ZDHHC16: variants seen among roughly 807,000 people sequenced by gnomAD.
ZDHHC16 encodes zDHHC palmitoyltransferase 16.
In ZDHHC16, 33 loss-of-function variants were observed where a neutral mutation model predicts 54.4. The observed-to-expected ratio is 0.61, with a 90% CI of 0.46 to 0.81. The LOEUF (loss-of-function observed/expected upper bound fraction) is 0.81, where lower values mean the gene tolerates loss of function less well. Among genes scored for constraint, ZDHHC16 ranks in the 30% least tolerant of loss-of-function variants. The probability of loss-of-function intolerance (pLI) is 0.00; values close to 1 mark genes in which losing one functional copy is unlikely to be tolerated. For missense variants in ZDHHC16, 420 were observed against 485.9 expected (o/e 0.86, Z 1.28); for synonymous variants, 185 against 182.1 (o/e 1.02, Z -0.13).
chr10:97,455,761 G>A lies in ZDHHC16; in HGVS notation c.926G>A (p.Arg309His), dbSNP rs139196575. 73 of 1,614,136 alleles carry A rather than the reference G, an allele frequency of 4.5e-5. No homozygotes were observed. The African/African-American group carries it at 7.6e-4, about 17-fold the overall frequency. ...IERHINKKER[R>H]RLQAKGRVFR... Reference sequence around the variant, plus strand: ...AGGCACATCAACAAGAAGGAGAGACGTCGGCTACAGGCCAAGGGCAGAGTG... The same window carrying A: ...AGGCACATCAACAAGAAGGAGAGACATCGGCTACAGGCCAAGGGCAGAGTG... The change falls in exon 10 of 12, where the codon CGT becomes CAT. Residue 309 changes from arginine to histidine, a missense_variant. Physicochemically the swap from Arg to His is conservative, Grantham distance 29. Coordinates refer to ENST00000393760, the MANE Select transcript of ZDHHC16 (RefSeq NM_198046.3).
intron 6 of ZDHHC16, 124 bp from the exon 7 acceptor site, chr10:97,453,406 T>G (rs1846835405): frequency 7.4e-7 from 1 of 1,347,078 alleles, no homozygotes. Context: ...CTTTGGAAAG[T>G]AGTTCTTAGT....
In ZDHHC16 at chr10:97,457,061, A is replaced by C. The variant is rs555113369; in HGVS notation, c.*170A>C. The C allele has an allele frequency of 1.4e-3, 621 of 445,060 alleles. 3 individuals carry two copies. Among genetic ancestry groups the C allele is most frequent in the South Asian group, 0.013 (279 of 21,864 alleles). 27.6% of individuals were successfully genotyped at this position (445,060 alleles called of 1,614,324 possible). On this transcript the variant is annotated 3_prime_UTR_variant, in exon 12 of 12. Coordinates refer to ENST00000393760, the MANE Select transcript of ZDHHC16 (RefSeq NM_198046.3). The stretch of plus-strand genomic sequence containing the variant: ...CCAGCCTTTTTACCACTGCAGAAGA[A>C]AGACACAATGTGGAGAAATCTTAGG...
rs1589501019 is a variant in ZDHHC16 at position 97,451,604 on chromosome 10, G to A, written c.-5-67G>A. ...TTTGCCCTCCAAGTGAGTACTCTAG[G>A]CCTTCCCACTAGCGGGGTAGGGAGG... is the stretch of plus-strand genomic sequence containing the variant. On this transcript the variant is annotated intron_variant, in intron 2 of 11. Transcript: ENST00000393760. The A allele has an allele frequency of 5.2e-6, 8 of 1,551,170 alleles. No homozygotes were observed. In the East Asian group the frequency reaches 1.8e-4, roughly 35 times the overall value.
At position 97,452,987 on chromosome 10, in the gene ZDHHC16, A is replaced by G. The variant is rs146473363; in HGVS notation, c.556+64A>G. On this transcript the variant is annotated intron_variant, in intron 6 of 11. Coordinates refer to ENST00000393760, the MANE Select transcript of ZDHHC16 (RefSeq NM_198046.3). ...AGCTCCAGAGCACTGTACAGGGTTA[A>G]TGGCCACCATTTTAGCATCACCGTG... 4.3e-5 allele frequency: 69 copies of G among 1,604,548 alleles called. No individual in the cohort carries two copies. In the African/African-American group the frequency reaches 7.7e-4, roughly 18 times the overall value.
intron 1 of ZDHHC16, among the ~76,000 whole-genome samples, chr10:97,450,033 G>A (rs532169900): frequency 2.0e-5 from 3 of 150,598 alleles, no homozygotes; most frequent in East Asian, 3.9e-4. Flanking sequence ...CACCGCGCCC[G>A]GCTAATTTTT....
chr10:97,455,635 C>A (rs1173333800), intron 9 of ZDHHC16, 25 bp from the exon 10 acceptor site: 1 of 1,614,244 alleles, frequency 6.2e-7, no homozygotes. Context: ...AAACTACCCA[C>A]CAGTCTTCGC....
intron 11 of ZDHHC16, 87 bp downstream of exon 11, chr10:97,456,131 C>A: frequency 7.5e-7 from 1 of 1,333,114 alleles, no homozygotes; most frequent in Non-Finnish European, 1.1e-6. Context: ...TGGAATATGG[C>A]TAGTGGCTAC....
chr10:97,455,874 A>G, intron 10 of ZDHHC16, 91 bp downstream of exon 10: 1 of 1,602,524 alleles, frequency 6.2e-7, no homozygotes, highest in Non-Finnish European at 8.5e-7. Context: ...GACTAGGGCA[A>G]GCATTGTAAA....
intron 9 of ZDHHC16, 126 bp downstream of exon 9, chr10:97,454,925 G>T: frequency 2.6e-6 from 2 of 776,466 alleles, no homozygotes; most frequent in Non-Finnish European, 2.2e-6. Context: ...TAGGTTGGCA[G>T]AGAGCCAGCA....
chr10:97,446,566 C>T (rs1846056307), intron 1 of ZDHHC16, among the ~76,000 whole-genome samples: 1 of 152,246 alleles, frequency 6.6e-6, no homozygotes, highest in Admixed American at 6.5e-5. Flanking sequence ...GTCTGTTTCA[C>T]AGATATGGAA....
Position 97,453,793 on chromosome 10 carries a change from C to A in ZDHHC16, c.691-6C>A, listed in dbSNP as rs1425497833. 6.2e-7 allele frequency: 1 copy of A among 1,614,098 alleles called. No homozygotes were observed. The highest frequency in any genetic ancestry group is 8.5e-7 in the Non-Finnish European group (1 of 1,180,042). On this transcript the variant is annotated splice_region_variant and splice_polypyrimidine_tract_variant and intron_variant, in intron 7 of 11. Transcript: ENST00000393760. ...GTATAACCAGCACTGTTTTCCGTCC[C>A]CTTAGAAAATGAAACAGCTCGACAA...
chr10:97,455,598 TCAGACATACTTCCTC>T, intron 9 of ZDHHC16, 47 bp from the exon 10 acceptor site: 1 of 1,613,294 alleles, frequency 6.2e-7, no homozygotes, highest in Non-Finnish European at 8.5e-7. Flanking sequence ...TAGCTCAATT[TCAGACATACTTCCTC>T]CAGCCCTCTC....
At position 97,453,855 on chromosome 10, in the gene ZDHHC16, TCCCCA is replaced by T; in HGVS notation, c.738+16_738+20del. The stretch of plus-strand genomic sequence containing the variant: ...AGGCGGTTGCCAACCAGGTGGGCTG[TCCCCA>T]CCCCACTGCCTCCTGCTGCTCAGGC... On this transcript the variant is annotated intron_variant, in intron 8 of 11. Transcript: ENST00000393760. 1 of 1,614,118 alleles carries T rather than the reference TCCCCA, an allele frequency of 6.2e-7. No individual in the cohort carries two copies. Among genetic ancestry groups the T allele is most frequent in the Non-Finnish European group, 8.5e-7 (1 of 1,180,034 alleles).
intron 5 of ZDHHC16, 176 bp downstream of exon 5, chr10:97,452,679 A>G: frequency 1.1e-6 from 1 of 914,952 alleles, no homozygotes; most frequent in Non-Finnish European, 1.7e-6. Context: ...AGGCATTATT[A>G]CCACTTGTGA....
chr10:97,452,240 CACT>C lies in ZDHHC16; in HGVS notation c.400_402del (p.Tyr134del). On this transcript the variant is annotated inframe_deletion, in exon 4 of 12. Transcript: ENST00000393760. ...CTGGAATCTGATCCTGATTGTCTTC[CACT>C]ACTACCAGGCCATCACCACTCCGCC... 6.2e-7 allele frequency: 1 copy of C among 1,614,160 alleles called. No individual in the cohort carries two copies. Among genetic ancestry groups the C allele is most frequent in the South Asian group, 1.1e-5 (1 of 91,084 alleles).
chr10:97,452,053 T>C, intron 3 of ZDHHC16, 37 bp from the exon 4 acceptor site: 1 of 1,613,302 alleles, frequency 6.2e-7, no homozygotes, highest in Non-Finnish European at 8.5e-7. Context: ...GGCATAGCTC[T>C]TGCGCCATGT....
intron 1 of ZDHHC16, among the ~76,000 whole-genome samples, chr10:97,447,146 C>T (rs1846149195): frequency 6.6e-6 from 1 of 152,222 alleles, no homozygotes; most frequent in Non-Finnish European, 1.5e-5. Flanking sequence ...AAAAGATAAG[C>T]AGCCCCAAAA....
rs540216248 is a variant in ZDHHC16, at chr10:97,455,524, T to G, written c.825-136T>G. Reference sequence around the variant, plus strand: ...AGACATAGTGAAGTAAAAGTTTATCTAGGATATATGGTGGGAGGTGAGGAA... The same window carrying G: ...AGACATAGTGAAGTAAAAGTTTATCGAGGATATATGGTGGGAGGTGAGGAA... On this transcript the variant is annotated intron_variant, in intron 9 of 11. Transcript: ENST00000393760. 5.7e-4 allele frequency: 810 copies of G among 1,421,246 alleles called. 4 individuals are homozygous for G. The highest frequency in any genetic ancestry group is 2.4e-3 in the Middle Eastern group (13 of 5,382). The allele number at this position is 1,421,246 out of a possible 1,614,324, so 88.0% of individuals were successfully genotyped here.
At position 97,455,762 on chromosome 10, in the gene ZDHHC16, T is replaced by C; in HGVS notation, c.927T>C (p.Arg309=). 2 of 1,614,110 alleles carry C rather than the reference T, an allele frequency of 1.2e-6. No homozygotes were observed. Among genetic ancestry groups the C allele is most frequent in the Non-Finnish European group, 1.7e-6 (2 of 1,180,006 alleles). The part of the protein sequence containing the change: ...IERHINKKER[R]RLQAKGRVFR... ...GGCACATCAACAAGAAGGAGAGACG[T>C]CGGCTACAGGCCAAGGGCAGAGTGA... Residue 309 remains arginine, a synonymous_variant, in exon 10 of 12, where the codon CGT becomes CGC. Transcript: ENST00000393760.
Sources: gnomAD v4.1 joint callset for allele counts (sites outside exome capture counted in the v4.1 genomes callset) on GRCh38, gnomAD v4.1.1 for gene constraint, MANE v1.5 for transcripts, NCBI Gene and HGNC (gene_info 2026-07-23, HGNC 2026-07-21) for gene names.